The following LMBRD1 variants were observed in gnomAD, a reference collection of about 807,000 sequenced individuals.
The protein encoded by LMBRD1 is LMBR1 domain containing 1.
LMBRD1 carries 64 observed loss-of-function variants against 74.8 expected under a neutral mutation model. The observed-to-expected ratio is 0.86, with a 90% CI of 0.70 to 1.05. The LOEUF (loss-of-function observed/expected upper bound fraction) is 1.05. Among genes scored for constraint, LMBRD1 ranks in the 50% least tolerant of loss-of-function variants. The pLI, the probability that LMBRD1 is intolerant of heterozygous loss-of-function variation, is 0.00. For missense variants in LMBRD1, 652 were observed against 645.9 expected, an observed-to-expected ratio of 1.01 and a Z score of -0.10; for synonymous variants, 204 against 216.3, an observed-to-expected ratio of 0.94 and a Z score of 0.50.
At chr6:69,796,760 C>T (rs1238735207) in intron 1 of LMBRD1, 53 bp downstream of exon 1, 2 of 1,563,214 alleles carry the variant, frequency 1.3e-6, no homozygotes, top group African/African-American at 1.4e-5. Context: ...GGGCCTGCCC[C>T]TCCCTTCCTC....
intron 1 of LMBRD1, among the ~76,000 whole-genome samples, chr6:69,792,414 T>C (rs868327722): frequency 3.3e-5 from 5 of 152,342 alleles, no homozygotes; most frequent in Admixed American, 6.5e-5. Context: ...TCATATAGTA[T>C]GTTGTCTTTT....
chr6:69,768,620 G>C (rs893069661), intron 3 of LMBRD1, among the ~76,000 whole-genome samples: 2 of 151,720 alleles, frequency 1.3e-5, no homozygotes, highest in Non-Finnish European at 2.9e-5. Context: ...GATAAGAAAA[G>C]GAGAAAAAAT....
intron 9 of LMBRD1, chr6:69,705,412 T>G: frequency 2.5e-6 from 3 of 1,183,206 alleles, no homozygotes; most frequent in Middle Eastern, 2.8e-4. Context: ...TTTTCTATAC[T>G]TGCTTGCATT....
intron 3 of LMBRD1, among the ~76,000 whole-genome samples, chr6:69,769,315 C>T (rs928404372): frequency 1.3e-5 from 2 of 152,122 alleles, no homozygotes; most frequent in Non-Finnish European, 2.9e-5. Context: ...ACATCAGTTA[C>T]TATATTCTTC....
At chr6:69,728,769 T>A (rs1306106091) in intron 7 of LMBRD1, among the ~76,000 whole-genome samples, 1 of 152,186 alleles carries the variant, frequency 6.6e-6, no homozygotes, top group Non-Finnish European at 1.5e-5. Context: ...GTCATTCCTC[T>A]AATTAACATC....
chr6:69,687,358 C>T lies in LMBRD1; in HGVS notation c.1417+10205G>A, dbSNP rs139149020. 4.8e-3 allele frequency among the ~76,000 whole-genome samples: 724 copies of T among 152,288 alleles called. 8 individuals are homozygous for T. The highest frequency in any genetic ancestry group is 0.017 in the Middle Eastern group (5 of 294). On this transcript the variant is annotated intron_variant, in intron 14 of 15. Transcript: ENST00000649934. Reference sequence around the variant, plus strand: ...TTATTTTTCTCCATAATACTTGTCACCTGACATATTTATTTGTCTGTCCCC... The same window carrying T: ...TTATTTTTCTCCATAATACTTGTCATCTGACATATTTATTTGTCTGTCCCC...
chr6:69,742,019 T>C, intron 5 of LMBRD1, 142 bp from the exon 6 acceptor site: 2 of 577,416 alleles, frequency 3.5e-6, no homozygotes, highest in Non-Finnish European at 6.1e-6. Flanking sequence ...AAGTTTCTTA[T>C]CTATGCATTT....
chr6:69,729,242 C>T (rs1191602365), intron 7 of LMBRD1, among the ~76,000 whole-genome samples: 3 of 147,922 alleles, frequency 2.0e-5, no homozygotes, highest in Non-Finnish European at 3.0e-5. Context: ...ATTTCATTAA[C>T]AACTGTTAAT....
At chr6:69,703,267 T>C (rs1766173541) in intron 9 of LMBRD1, among the ~76,000 whole-genome samples, 1 of 152,006 alleles carries the variant, frequency 6.6e-6, no homozygotes, top group Non-Finnish European at 1.5e-5. Context: ...TATTTGGTAC[T>C]GTGGTGAACT....
chr6:69,690,997 C>T (rs901556884), intron 14 of LMBRD1, among the ~76,000 whole-genome samples: 6 of 152,042 alleles, frequency 3.9e-5, no homozygotes, highest in African/African-American at 1.4e-4. Flanking sequence ...CTTTTTATCT[C>T]TCCTCTTCCA....
At chr6:69,728,619 C>T (rs1027000958) in intron 7 of LMBRD1, among the ~76,000 whole-genome samples, 14 of 152,320 alleles carry the variant, frequency 9.2e-5, no homozygotes, top group African/African-American at 3.4e-4. Context: ...GTATTAACAA[C>T]ATGGCCCTTA....
intron 3 of LMBRD1, among the ~76,000 whole-genome samples, chr6:69,763,990 A>G (rs1360123244): frequency 2.6e-5 from 4 of 152,032 alleles, no homozygotes; most frequent in Admixed American, 6.6e-5. Flanking sequence ...TTGTGGTCAC[A>G]CACATATCTG....
chr6:69,734,654 C>T (rs1268403862), intron 7 of LMBRD1, among the ~76,000 whole-genome samples: 1 of 152,068 alleles, frequency 6.6e-6, no homozygotes, highest in African/African-American at 2.4e-5. Context: ...CCTCGGTCTC[C>T]GAAAGGGCTG....
At chr6:69,720,255 A>G (rs773019274) in intron 7 of LMBRD1, among the ~76,000 whole-genome samples, 2 of 152,090 alleles carry the variant, frequency 1.3e-5, no homozygotes, top group Non-Finnish European at 2.9e-5. Context: ...TGTAATATCA[A>G]CTCTACAGTA....
chr6:69,796,809 C>A lies in LMBRD1; in HGVS notation c.69+4G>T. Reference sequence around the variant, plus strand: ...ATGGGGAAAACTCCAAGCGCCTCCCCTACCAGTAGTAAGAGGCCGAATATG... The same window carrying A: ...ATGGGGAAAACTCCAAGCGCCTCCCATACCAGTAGTAAGAGGCCGAATATG... On this transcript the variant is annotated splice_donor_region_variant and intron_variant, in intron 1 of 15. Coordinates refer to ENST00000649934, the MANE Select transcript of LMBRD1 (RefSeq NM_018368.4). The A allele has an allele frequency of 6.2e-7, 1 of 1,613,528 alleles. No individual in the cohort carries two copies. The highest frequency in any genetic ancestry group is 1.1e-5 in the South Asian group (1 of 91,012).
chr6:69,746,052 G>C (rs1332761026), intron 5 of LMBRD1: 1 of 211,824 alleles, frequency 4.7e-6, no homozygotes, highest in African/African-American at 2.3e-5. Flanking sequence ...CACTGTCAAG[G>C]CTGAGAACTG....
At chr6:69,699,273 T>C in intron 12 of LMBRD1, 81 bp from the exon 13 acceptor site, 1 of 1,218,742 alleles carries the variant, frequency 8.2e-7, no homozygotes, top group Non-Finnish European at 1.2e-6. Flanking sequence ...TTATGGGAAA[T>C]GATTTACACA....
At chr6:69,770,826 A>G (rs1379719876) in intron 3 of LMBRD1, among the ~76,000 whole-genome samples, 1 of 152,066 alleles carries the variant, frequency 6.6e-6, no homozygotes, top group Non-Finnish European at 1.5e-5. Flanking sequence ...GGCTGTAAAG[A>G]AAAAAAATAG....
intron 14 of LMBRD1, among the ~76,000 whole-genome samples, chr6:69,696,272 T>C (rs1004525034): frequency 6.6e-6 from 1 of 152,216 alleles, no homozygotes; most frequent in Non-Finnish European, 1.5e-5. Flanking sequence ...GACCACTGTT[T>C]AGTTCAGGCT....
Sources: allele counts gnomAD v4.1 joint callset (sites outside exome capture counted in the v4.1 genomes callset), GRCh38; gene constraint gnomAD v4.1.1; transcripts MANE v1.5; gene names NCBI Gene and HGNC (gene_info 2026-07-23, HGNC 2026-07-21).